Variants in NTRK2 observed in about 807,000 individuals in gnomAD.
The protein encoded by NTRK2 is neurotrophic receptor tyrosine kinase 2.
A neutral mutation model predicts 94.5 loss-of-function variants in NTRK2; 13 were observed. The observed-to-expected ratio is 0.14, with a 90% confidence interval of 0.09 to 0.22. The LOEUF is 0.22. Ranked by LOEUF, NTRK2 falls within the 10% of genes least tolerant of loss-of-function variation. The pLI is 1.00. For synonymous variants in NTRK2, 372 were observed against 407.4 expected, an observed-to-expected ratio of 0.91 and a Z score of 1.05; for missense variants, 639 against 1,071.2, an observed-to-expected ratio of 0.60 and a Z score of 5.63.
intron 17 of NTRK2, among the ~76,000 whole-genome samples, chr9:84,956,353 T>G (rs889573366): frequency 1.3e-5 from 2 of 152,206 alleles, no homozygotes; most frequent in African/African-American, 4.8e-5. Context: ...GATCCACTGA[T>G]GACCTAGAAC....
intron 13 of NTRK2, among the ~76,000 whole-genome samples, chr9:84,866,156 A>G (rs1175154122): frequency 2.0e-5 from 3 of 152,244 alleles, no homozygotes; most frequent in Non-Finnish European, 4.4e-5. Context: ...TTGATCCATT[A>G]TTGTTATAAA....
chr9:84,990,997 A>G (rs1164970723), intron 17 of NTRK2, among the ~76,000 whole-genome samples: 2 of 152,120 alleles, frequency 1.3e-5, no homozygotes, highest in Non-Finnish European at 2.9e-5. Flanking sequence ...TCCCTGTAGC[A>G]ACATCAAAAG....
chr9:84,878,017 G>A (rs1476063013), intron 14 of NTRK2: 12 of 901,956 alleles, frequency 1.3e-5, no homozygotes, highest in African/African-American at 1.8e-5. Context: ...GAAGTTGTCC[G>A]CATTGGTTCC....
At chr9:84,753,908 A>C (rs144271844) in intron 12 of NTRK2, among the ~76,000 whole-genome samples, 30 of 152,318 alleles carry the variant, frequency 2.0e-4, no homozygotes, top group African/African-American at 7.0e-4. Context: ...TCCATGGAGC[A>C]AAATTTAGGA....
intron 12 of NTRK2, among the ~76,000 whole-genome samples, chr9:84,789,770 C>G (rs2068532817): frequency 6.6e-6 from 1 of 152,178 alleles, no homozygotes; most frequent in African/African-American, 2.4e-5. Context: ...TCAGTCAAAT[C>G]TACCTTAACC....
intron 12 of NTRK2, among the ~76,000 whole-genome samples, chr9:84,833,764 T>G (rs576286482): frequency 1.4e-4 from 22 of 152,270 alleles, no homozygotes; most frequent in Admixed American, 6.5e-4. Context: ...CATAGCAGCT[T>G]CCCTTGATAA....
At chr9:84,704,409 G>A (rs1054607848) in intron 4 of NTRK2, among the ~76,000 whole-genome samples, 4 of 149,006 alleles carry the variant, frequency 2.7e-5, no homozygotes, top group Admixed American at 6.7e-5. Context: ...TTTTTTTTTA[G>A]TAGAGATTGG....
intron 2 of NTRK2, among the ~76,000 whole-genome samples, chr9:84,684,385 G>A (rs1407569243): frequency 6.6e-6 from 1 of 152,164 alleles, no homozygotes; most frequent in Non-Finnish European, 1.5e-5. Flanking sequence ...ATGTAAGGAA[G>A]GAGTCCAGTT....
chr9:84,984,762 A>T lies in NTRK2; in HGVS notation c.2172+29245A>T, dbSNP rs574048060. Among the ~76,000 whole-genome samples, 6 of 152,354 alleles carry T rather than the reference A, an allele frequency of 3.9e-5. No homozygotes were observed. The East Asian group carries it at 1.2e-3, about 29-fold the overall frequency. ...TAAACTAGAAAGACTTGCTATTGGG[A>T]GTACAGAGCCGTAGGTTCGTGTCTT... is the stretch of plus-strand genomic sequence containing the variant. On this transcript the variant is annotated intron_variant, in intron 17 of 18. Coordinates refer to ENST00000277120, the MANE Select transcript of NTRK2 (RefSeq NM_006180.6).
At position 85,021,307 on chromosome 9, in the gene NTRK2, A is replaced by T. The variant is rs1242988461; in HGVS notation, c.2387A>T (p.Gln796Leu). 6.2e-7 allele frequency: 1 copy of T among 1,614,108 alleles called. No individual in the cohort carries two copies. Among genetic ancestry groups the T allele is most frequent in the Non-Finnish European group, 8.5e-7 (1 of 1,180,000 alleles). ...RVLQRPRTCP[Q>L]EVYELMLGCW... ...CTGCAGCGACCCCGCACGTGCCCCC[A>T]GGAGGTGTATGAGCTGATGCTGGGG... Residue 796 changes from glutamine to leucine, a missense_variant, in exon 19 of 19, where the codon CAG becomes CTG. Around this residue, in one of 5 missense-constraint regions of NTRK2, gnomAD observed 77 missense variants for 203.6 expected, o/e 0.38. Coordinates refer to ENST00000277120, the MANE Select transcript of NTRK2 (RefSeq NM_006180.6).
intron 12 of NTRK2, among the ~76,000 whole-genome samples, chr9:84,834,453 C>G (rs948438740): frequency 2.6e-5 from 4 of 152,066 alleles, no homozygotes; most frequent in Non-Finnish European, 5.9e-5. Context: ...AAGTGTTAGT[C>G]CCCCTTTCTT....
intron 17 of NTRK2, among the ~76,000 whole-genome samples, chr9:84,970,570 A>G (rs999328686): frequency 6.6e-6 from 1 of 152,150 alleles, no homozygotes; most frequent in Admixed American, 6.6e-5. Flanking sequence ...AAAGAGCATC[A>G]GGGTGAGTCA....
chr9:84,692,383 AACTT>A (rs2060098801), intron 2 of NTRK2, among the ~76,000 whole-genome samples: 2 of 152,140 alleles, frequency 1.3e-5, no homozygotes, highest in Admixed American at 1.3e-4. Flanking sequence ...AGGTAAAAGT[AACTT>A]AAAGACATTG....
intron 17 of NTRK2, among the ~76,000 whole-genome samples, chr9:85,010,455 T>G (rs1036771704): frequency 6.6e-6 from 1 of 152,170 alleles, no homozygotes; most frequent in African/African-American, 2.4e-5. Context: ...CATGAAAAGC[T>G]CGGTAACATT....
At chr9:85,004,083 G>GA in intron 17 of NTRK2, among the ~76,000 whole-genome samples, 2 of 119,870 alleles carry the variant, frequency 1.7e-5, no homozygotes, top group African/African-American at 7.0e-5. Context: ...AGAGGAAGAG[G>GA]GAGAGAGAAA....
At position 84,710,709 on chromosome 9, in the gene NTRK2, C is replaced by T; in HGVS notation, c.501C>T (p.Ser167=). ...MWIKTLQEAK[S]SPDTQDLYCL... is the part of the protein sequence containing the mutation. ...TCAAGACTCTCCAAGAGGCTAAATC[C>T]AGTCCAGACACTCAGGATTTGTACT... Residue 167 remains serine, a synonymous_variant, in exon 6 of 19, where the codon TCC becomes TCT. Transcript: ENST00000277120. The T allele has an allele frequency of 6.2e-7, 1 of 1,614,120 alleles. No individual in the cohort carries two copies. The highest frequency in any genetic ancestry group is 1.1e-5 in the South Asian group (1 of 91,080).
At chr9:84,875,993 G>T (rs746486527) in intron 14 of NTRK2, 1 of 1,034,104 alleles carries the variant, frequency 9.7e-7, no homozygotes, top group Non-Finnish European at 1.2e-6. Flanking sequence ...ATCCCAGAAA[G>T]AAAACAATAA....
At chr9:85,012,510 T>C (rs1831735811) in intron 17 of NTRK2, among the ~76,000 whole-genome samples, 1 of 152,152 alleles carries the variant, frequency 6.6e-6, no homozygotes, top group African/African-American at 2.4e-5. Context: ...AAATATCATG[T>C]AAAAGGAATC....
At chr9:84,882,496 A>C (rs548144461) in intron 14 of NTRK2, among the ~76,000 whole-genome samples, 2 of 152,318 alleles carry the variant, frequency 1.3e-5, no homozygotes, top group East Asian at 3.9e-4. Flanking sequence ...GCAAGTTACC[A>C]GGCGGTCTTT....
Sources: gnomAD v4.1 joint callset for allele counts (sites outside exome capture counted in the v4.1 genomes callset) on GRCh38, gnomAD v4.1.1 for gene constraint, gnomAD v4.1.1 regional missense constraint, MANE v1.5 for transcripts, NCBI Gene and HGNC (gene_info 2026-07-23, HGNC 2026-07-21) for gene names.